ANKS1B: variants seen among roughly 807,000 people sequenced by gnomAD.
The protein encoded by ANKS1B is ankyrin repeat and sterile alpha motif domain-containing protein 1B.
A neutral mutation model predicts 148.3 loss-of-function variants in ANKS1B; 36 were observed. The ratio of observed to expected loss-of-function variants is 0.24; its 90% confidence interval spans 0.19 to 0.32. The LOEUF (loss-of-function observed/expected upper bound fraction) is 0.32. ANKS1B is among the 10% of genes least tolerant of loss of function. ANKS1B has a pLI of 1.00. For missense variants in ANKS1B, 1,157 were observed against 1,542.6 expected, an observed-to-expected ratio of 0.75 and a Z score of 4.19; for synonymous variants, 542 against 560.8, an observed-to-expected ratio of 0.97 and a Z score of 0.47.
At chr12:99,778,538 G>A (rs1354549967) in intron 6 of ANKS1B, among the ~76,000 whole-genome samples, 2 of 150,398 alleles carry the variant, frequency 1.3e-5, no homozygotes, top group African/African-American at 4.9e-5. Flanking sequence ...AATTCAGTGA[G>A]AGTCAAAAGT....
At chr12:99,002,915 A>G (rs1272990272) in intron 17 of ANKS1B, among the ~76,000 whole-genome samples, 2 of 152,150 alleles carry the variant, frequency 1.3e-5, no homozygotes, top group Admixed American at 1.3e-4. Context: ...GCCAAGATCA[A>G]TGTCATGAAG....
intron 2 of ANKS1B, among the ~76,000 whole-genome samples, chr12:99,816,485 A>G (rs1247984885): frequency 6.6e-6 from 1 of 151,692 alleles, no homozygotes; most frequent in East Asian, 1.9e-4. Context: ...TGGTTTAATT[A>G]GGTCCCATTT....
chr12:99,880,563 T>G (rs2092415827), intron 1 of ANKS1B, among the ~76,000 whole-genome samples: 1 of 152,224 alleles, frequency 6.6e-6, no homozygotes, highest in African/African-American at 2.4e-5. Flanking sequence ...ACCAAATTAT[T>G]TCTCCATTTA....
intron 8 of ANKS1B, among the ~76,000 whole-genome samples, chr12:99,746,475 A>C (rs1206310131): frequency 1.3e-5 from 2 of 152,130 alleles, no homozygotes; most frequent in East Asian, 1.9e-4. Flanking sequence ...ATTTTCCCTC[A>C]AATATTCTCA....
intron 9 of ANKS1B, among the ~76,000 whole-genome samples, chr12:99,562,997 C>G (rs1186876720): frequency 6.6e-6 from 1 of 152,138 alleles, no homozygotes; most frequent in Admixed American, 6.5e-5. Flanking sequence ...CCTCATGAAC[C>G]AACCTGCTAG....
intron 17 of ANKS1B, among the ~76,000 whole-genome samples, chr12:98,960,734 G>A (rs1300034197): frequency 6.6e-6 from 1 of 152,154 alleles, no homozygotes; most frequent in East Asian, 1.9e-4. Context: ...TAACTGTTTT[G>A]AGGAAATGCA....
intron 24 of ANKS1B, among the ~76,000 whole-genome samples, chr12:98,779,940 A>G (rs1373828758): frequency 3.3e-5 from 5 of 152,212 alleles, no homozygotes; most frequent in Non-Finnish European, 7.3e-5. Flanking sequence ...AACTTTTTCT[A>G]TAACCGGGAG....
chr12:99,586,263 G>A (rs1380211867), intron 9 of ANKS1B, among the ~76,000 whole-genome samples: 2 of 152,134 alleles, frequency 1.3e-5, no homozygotes, highest in Non-Finnish European at 2.9e-5. Flanking sequence ...CAAGTTCCAA[G>A]CTCCACAGAT....
intron 9 of ANKS1B, among the ~76,000 whole-genome samples, chr12:99,562,322 A>T (rs1007166158): frequency 1.3e-5 from 2 of 152,190 alleles, no homozygotes; most frequent in African/African-American, 4.8e-5. Flanking sequence ...TTCAACTTAG[A>T]ATCACCAGCT....
intron 9 of ANKS1B, among the ~76,000 whole-genome samples, chr12:99,633,105 T>C (rs2098189772): frequency 6.6e-6 from 1 of 151,840 alleles, no homozygotes; most frequent in African/African-American, 2.4e-5. Flanking sequence ...TTTTTATGTC[T>C]GCATAGTATT....
At chr12:99,066,752 C>T (rs1204669065) in intron 16 of ANKS1B, among the ~76,000 whole-genome samples, 1 of 152,148 alleles carries the variant, frequency 6.6e-6, no homozygotes, top group Non-Finnish European at 1.5e-5. Context: ...TAGTTAGATT[C>T]TGGGTATCTT....
rs148698429 is a variant in ANKS1B at position 99,530,991 on chromosome 12, G to A, written c.1273-26350C>T. Among the ~76,000 whole-genome samples the A allele has an allele frequency of 1.9e-3, 291 of 152,230 alleles. 8 individuals carry two copies. The East Asian group carries it at 0.052, about 27-fold the overall frequency. On this transcript the variant is annotated intron_variant, in intron 9 of 26. Coordinates refer to ENST00000683438, the MANE Select transcript of ANKS1B (RefSeq NM_001352186.2). ...CCTCCATCCTGAATGACATATTCCT[G>A]CCTCTGTCTTCTTGCTTATGTTCTC... is the stretch of plus-strand genomic sequence containing the variant.
chr12:99,308,981 G>C (rs1471279782), intron 12 of ANKS1B, among the ~76,000 whole-genome samples: 1 of 150,596 alleles, frequency 6.6e-6, no homozygotes, highest in East Asian at 1.9e-4. Flanking sequence ...TACACTGTAT[G>C]TAATAGATGT....
chr12:99,327,183 T>C (rs1193329068), intron 12 of ANKS1B, among the ~76,000 whole-genome samples: 3 of 119,058 alleles, frequency 2.5e-5, no homozygotes, highest in African/African-American at 1.0e-4. Context: ...ATTATATATT[T>C]ATTATAATTA....
At chr12:99,844,253 A>G (rs2086245923) in intron 1 of ANKS1B, among the ~76,000 whole-genome samples, 1 of 151,914 alleles carries the variant, frequency 6.6e-6, no homozygotes, top group Non-Finnish European at 1.5e-5. Flanking sequence ...ACTCGATCCT[A>G]TTTGTCAATT....
rs927106631 is a variant in ANKS1B, at chr12:99,466,920, T to A, written c.1439-23111A>T. ...TTCCAATCAATAGAAAAAGAGGGAATCCTTCCTAACTCATTTTATGAGGCC... is the reference window on the plus strand; with the variant it reads ...TTCCAATCAATAGAAAAAGAGGGAAACCTTCCTAACTCATTTTATGAGGCC... On this transcript the variant is annotated intron_variant, in intron 10 of 26. Coordinates refer to ENST00000683438, the MANE Select transcript of ANKS1B (RefSeq NM_001352186.2). 3.3e-5 allele frequency among the ~76,000 whole-genome samples: 5 copies of A among 152,144 alleles called. No individual in the cohort carries two copies. The East Asian group carries it at 9.6e-4, about 29-fold the overall frequency.
chr12:99,022,004 T>C (rs2099946093), intron 17 of ANKS1B, among the ~76,000 whole-genome samples: 1 of 152,178 alleles, frequency 6.6e-6, no homozygotes, highest in Admixed American at 6.5e-5. Context: ...ACCTTCAATG[T>C]CCAATTTTGA....
rs552563269 is a variant in ANKS1B, at chr12:99,507,644, G to T, written c.1273-3003C>A. 8.6e-5 allele frequency among the ~76,000 whole-genome samples: 13 copies of T among 151,978 alleles called. No individual in the cohort carries two copies. The South Asian group carries it at 2.7e-3, about 31-fold the overall frequency. Reference sequence around the variant, plus strand: ...GAGGGCCATAATTTCTTCTTAGAATGTAAGTCTTTGTAGAACCTGGCTTCC... The same window carrying T: ...GAGGGCCATAATTTCTTCTTAGAATTTAAGTCTTTGTAGAACCTGGCTTCC... On this transcript the variant is annotated intron_variant, in intron 9 of 26. Coordinates refer to ENST00000683438, the MANE Select transcript of ANKS1B (RefSeq NM_001352186.2).
At chr12:98,905,188 A>C (rs963775288) in intron 17 of ANKS1B, among the ~76,000 whole-genome samples, 3 of 152,218 alleles carry the variant, frequency 2.0e-5, no homozygotes, top group Non-Finnish European at 2.9e-5. Context: ...GTAGAACCAT[A>C]GCTGGAACTA....
Sources: gnomAD v4.1 joint callset for allele counts (sites outside exome capture counted in the v4.1 genomes callset) on GRCh38, gnomAD v4.1.1 for gene constraint, MANE v1.5 for transcripts, NCBI Gene and HGNC (gene_info 2026-07-23, HGNC 2026-07-21) for gene names.